ZC3H18: variants seen among roughly 807,000 people sequenced by gnomAD.
ZC3H18 encodes the protein zinc finger CCCH-type containing 18, also known as zinc finger CCCH domain-containing protein 18.
ZC3H18 carries 8 observed loss-of-function variants against 106.1 expected under a neutral mutation model. That is an observed-to-expected ratio of 0.08 (90% CI 0.04 to 0.14). The LOEUF (loss-of-function observed/expected upper bound fraction) is 0.14, where lower values mean the gene tolerates loss of function less well. Among genes scored for constraint, ZC3H18 ranks in the 10% least tolerant of loss-of-function variants. The pLI, the probability that ZC3H18 is intolerant of heterozygous loss-of-function variation, is 1.00. For missense variants in ZC3H18, 1,318 were observed against 1,278.4 expected (o/e 1.03, Z -0.47); for synonymous variants, 635 against 522.1 (o/e 1.22, Z -2.95).
intron 8 of ZC3H18, among the ~76,000 whole-genome samples, chr16:88,620,461 G>C (rs574136125): frequency 6.6e-6 from 1 of 152,062 alleles, no homozygotes; most frequent in Non-Finnish European, 1.5e-5. Context: ...CACACCTGCA[G>C]TCCTGGCTAC....
At chr16:88,573,404 C>CA (rs1261283302) in intron 1 of ZC3H18, among the ~76,000 whole-genome samples, 2 of 152,106 alleles carry the variant, frequency 1.3e-5, no homozygotes, top group African/African-American at 4.8e-5. Flanking sequence ...CAACCCCACG[C>CA]AGACTCCCAG....
intron 2 of ZC3H18, among the ~76,000 whole-genome samples, chr16:88,582,177 T>C (rs1283976887): frequency 6.6e-6 from 1 of 151,976 alleles, no homozygotes; most frequent in African/African-American, 2.4e-5. Context: ...ACATGGTCTT[T>C]AATATTTTCT....
intron 1 of ZC3H18, among the ~76,000 whole-genome samples, chr16:88,574,330 C>T (rs931231978): frequency 6.6e-6 from 1 of 152,000 alleles, no homozygotes; most frequent in Admixed American, 6.6e-5. Flanking sequence ...TCGTCTCAGC[C>T]TCCCAAGTAG....
chr16:88,603,069 A>G (rs1443803281), intron 6 of ZC3H18, among the ~76,000 whole-genome samples: 1 of 150,886 alleles, frequency 6.6e-6, no homozygotes, highest in African/African-American at 2.4e-5. Flanking sequence ...GGTTCACGCC[A>G]TTCTCCTGCC....
rs779898184 is a variant in ZC3H18 at position 88,577,472 on chromosome 16, T to A, written c.349T>A (p.Ser117Thr). Reference sequence around the variant, plus strand: ...GACAAGCGACCTTAGGGATGAGGCCTCCTCAGTCACCAGGGAGCTGGATGA... The same window carrying A: ...GACAAGCGACCTTAGGGATGAGGCCACCTCAGTCACCAGGGAGCTGGATGA... Reference protein sequence around the residue: ...DRTSDLRDEASSVTRELDEHE... With the variant: ...DRTSDLRDEATSVTRELDEHE... Residue 117 changes from serine (S) to threonine (T), a missense_variant, in exon 2 of 18, where the codon TCC (serine) becomes ACC (threonine). Coordinates refer to ENST00000301011, the MANE Select transcript of ZC3H18 (RefSeq NM_144604.4). The A allele has an allele frequency of 6.2e-7, 1 of 1,612,600 alleles. No homozygotes were observed.
intron 10 of ZC3H18, 134 bp from the exon 11 acceptor site, chr16:88,623,824 A>G: frequency 7.0e-7 from 1 of 1,427,888 alleles, no homozygotes; most frequent in South Asian, 1.5e-5. Flanking sequence ...AACAGTCCAG[A>G]ACTGAAGTTA....
chr16:88,605,315 C>T (rs141303021), intron 6 of ZC3H18, among the ~76,000 whole-genome samples: 14 of 152,372 alleles, frequency 9.2e-5, no homozygotes, highest in African/African-American at 3.1e-4. Flanking sequence ...CCTGTGGCCT[C>T]TGCATGCCTT....
intron 5 of ZC3H18, among the ~76,000 whole-genome samples, chr16:88,599,018 C>A (rs1904603676): frequency 6.6e-6 from 1 of 152,154 alleles, no homozygotes; most frequent in South Asian, 2.1e-4. Flanking sequence ...GCCACCAGGC[C>A]CGGAAGGATG....
In ZC3H18 at chr16:88,627,502, A is replaced by G; in HGVS notation, c.2109-120A>G. 7.3e-7 allele frequency: 1 copy of G among 1,368,036 alleles called. No homozygotes were observed. Among genetic ancestry groups the G allele is most frequent in the South Asian group, 1.5e-5 (1 of 65,658 alleles). The allele number at this position is 1,368,036 out of a possible 1,614,324, so 84.7% of individuals were successfully genotyped here. Reference sequence around the variant, plus strand: ...CTGCCCAGTGTCCCCCCAAAATCACACATTCCGTGGGTACATGATCCATAA... The same window carrying G: ...CTGCCCAGTGTCCCCCCAAAATCACGCATTCCGTGGGTACATGATCCATAA... On this transcript the variant is annotated intron_variant, in intron 13 of 17. Transcript: ENST00000301011. The surrounding 1 kb of genome is among the most constrained non-coding windows in gnomAD (Gnocchi z 4.5).
At position 88,627,985 on chromosome 16, in the gene ZC3H18, C is replaced by T. The variant is rs1906419581; in HGVS notation, c.2335C>T (p.Pro779Ser). 3 of 1,614,178 alleles carry T rather than the reference C, an allele frequency of 1.9e-6. No homozygotes were observed. The highest frequency in any genetic ancestry group is 2.5e-6 in the Non-Finnish European group (3 of 1,180,046). The change falls in exon 15 of 18, where the codon CCC (proline) becomes TCC (serine). Residue 779 changes from proline to serine, a missense_variant. This residue lies in a region of ZC3H18 where 848 missense variants were observed against 821.7 expected (regional missense o/e 1.03). Coordinates refer to ENST00000301011, the MANE Select transcript of ZC3H18 (RefSeq NM_144604.4). The surrounding 1 kb of genome is among the most constrained non-coding windows in gnomAD (Gnocchi z 4.5). Reference protein sequence around the residue: ...KRKRDSSTQPPKSAKPPAGGK... With the variant: ...KRKRDSSTQPSKSAKPPAGGK... ...GAAAAGGGATTCGTCCACACAACCA[C>T]CCAAATCTGCAAAACCTCCAGCAGG...
intron 15 of ZC3H18, 108 bp downstream of exon 15, chr16:88,628,227 G>C: frequency 8.0e-7 from 1 of 1,256,162 alleles, no homozygotes; most frequent in African/African-American, 1.5e-5. Flanking sequence ...AGGGCGAGTG[G>C]GGCCTTGCAG....
intron 6 of ZC3H18, among the ~76,000 whole-genome samples, chr16:88,601,133 A>G (rs909327011): frequency 6.6e-6 from 1 of 152,246 alleles, no homozygotes; most frequent in Non-Finnish European, 1.5e-5. Context: ...AGGAAGCCCC[A>G]GTGGCCCACA....
intron 2 of ZC3H18, among the ~76,000 whole-genome samples, chr16:88,579,898 G>A (rs765432359): frequency 2.5e-4 from 38 of 152,182 alleles, no homozygotes; most frequent in Non-Finnish European, 3.7e-4. Flanking sequence ...TGGGCAGGGC[G>A]GAGCAGAGCC....
chr16:88,611,681 A>C (rs1905283725), intron 8 of ZC3H18, 145 bp downstream of exon 8: 1 of 1,291,730 alleles, frequency 7.7e-7, no homozygotes, highest in South Asian at 1.6e-5. Context: ...CCGAGCCCAT[A>C]GTTCCAAACC....
intron 2 of ZC3H18, among the ~76,000 whole-genome samples, chr16:88,583,496 G>T (rs558580588): frequency 1.1e-4 from 17 of 152,244 alleles, no homozygotes; most frequent in East Asian, 1.9e-4. Flanking sequence ...GACTTTTGCA[G>T]ATCAGGTGAC....
intron 1 of ZC3H18, among the ~76,000 whole-genome samples, chr16:88,575,724 T>C (rs535967298): frequency 6.6e-6 from 1 of 151,840 alleles, no homozygotes; most frequent in African/African-American, 2.4e-5. Context: ...GTTTTTTGAG[T>C]TTTTTTTGGA....
chr16:88,614,175 T>G (rs1228585409), intron 8 of ZC3H18, among the ~76,000 whole-genome samples: 1 of 152,228 alleles, frequency 6.6e-6, no homozygotes, highest in Non-Finnish European at 1.5e-5. Context: ...CACCTTCCAG[T>G]AACACTGGAC....
At chr16:88,572,465 G>A (rs888885967) in intron 1 of ZC3H18, among the ~76,000 whole-genome samples, 1 of 151,870 alleles carries the variant, frequency 6.6e-6, no homozygotes, top group African/African-American at 2.4e-5. Flanking sequence ...TTTTTGTCAT[G>A]TATTCAACAA....
chr16:88,601,381 T>C (rs1904743036), intron 6 of ZC3H18, among the ~76,000 whole-genome samples: 1 of 152,178 alleles, frequency 6.6e-6, no homozygotes, highest in African/African-American at 2.4e-5. Context: ...CAGAGGTCTC[T>C]ATAAATATGT....
Sources: allele counts gnomAD v4.1 joint callset (sites outside exome capture counted in the v4.1 genomes callset), GRCh38; gene constraint gnomAD v4.1.1; regional missense constraint gnomAD v4.1.1; non-coding constraint Gnocchi (gnomAD v3.1); transcripts MANE v1.5; gene names NCBI Gene and HGNC (gene_info 2026-07-23, HGNC 2026-07-21).